RRAS2: variants seen among roughly 807,000 people sequenced by gnomAD.
RRAS2 encodes the protein ras-related protein R-Ras2.
In RRAS2, 7 loss-of-function variants were observed where a neutral mutation model predicts 27.6. The observed-to-expected ratio is 0.25, with a 90% CI of 0.14 to 0.48. The LOEUF is 0.48. RRAS2 is among the 20% of genes least tolerant of loss of function. RRAS2 has a pLI of 0.99. For missense variants in RRAS2, 178 were observed against 256.2 expected (o/e 0.69, Z 2.08); for synonymous variants, 86 against 90.9 (o/e 0.95, Z 0.31).
chr11:14,354,015 T>C (rs1554955160), intron 1 of RRAS2, among the ~76,000 whole-genome samples: 1 of 152,244 alleles, frequency 6.6e-6, no homozygotes, highest in Non-Finnish European at 1.5e-5. Flanking sequence ...TTAAGTAGTT[T>C]CTAATTGCAG....
At chr11:14,328,366 CAA>C (rs71041596) in intron 1 of RRAS2, among the ~76,000 whole-genome samples, 220 of 67,716 alleles carry the variant, frequency 3.2e-3, no homozygotes, top group East Asian at 0.011. Context: ...AACTCCAACT[CAA>C]AAAAAAAAAA....
chr11:14,305,346 A>C (rs1161797000), intron 1 of RRAS2, among the ~76,000 whole-genome samples: 3 of 152,222 alleles, frequency 2.0e-5, no homozygotes, highest in Non-Finnish European at 4.4e-5. Flanking sequence ...CACAAAAGCT[A>C]CTACTGGATA....
At chr11:14,327,585 C>G (rs553734497) in intron 1 of RRAS2, among the ~76,000 whole-genome samples, 1 of 152,166 alleles carries the variant, frequency 6.6e-6, no homozygotes, top group Non-Finnish European at 1.5e-5. Context: ...TTCTCTACCC[C>G]CCTTTCTCTT....
intron 1 of RRAS2, among the ~76,000 whole-genome samples, chr11:14,320,982 A>ACCAGCCTGG (rs1199801194): frequency 6.6e-6 from 1 of 152,122 alleles, no homozygotes; most frequent in Non-Finnish European, 1.5e-5. Context: ...GGAGTTCGAG[A>ACCAGCCTGG]CCAGCCTGGC....
intron 1 of RRAS2, among the ~76,000 whole-genome samples, chr11:14,303,401 C>G (rs1162249738): frequency 6.6e-6 from 1 of 152,184 alleles, no homozygotes; most frequent in Non-Finnish European, 1.5e-5. Flanking sequence ...TGAATGAAAT[C>G]TAAGGCAAGT....
At chr11:14,281,242 T>A (rs182038151) in intron 5 of RRAS2, among the ~76,000 whole-genome samples, 77 of 152,348 alleles carry the variant, frequency 5.1e-4, no homozygotes, top group African/African-American at 1.8e-3. Context: ...AAAGTGAGGA[T>A]AAAACAGTAT....
intron 1 of RRAS2, chr11:14,354,494 A>G (rs1169121609): frequency 1.3e-5 from 2 of 152,156 alleles, no homozygotes; most frequent in East Asian, 3.8e-4. Context: ...CATCACCTGA[A>G]TACCACACAG....
intron 1 of RRAS2, among the ~76,000 whole-genome samples, chr11:14,311,306 C>T (rs1847959433): frequency 6.6e-6 from 1 of 152,152 alleles, no homozygotes; most frequent in Non-Finnish European, 1.5e-5. Context: ...ATCATCAGAC[C>T]ACTGCACTCC....
At position 14,358,636 on chromosome 11, in the gene RRAS2, C is replaced by A. The variant is rs1320105948; in HGVS notation, c.108+127G>T. 10 of 973,502 alleles carry A rather than the reference C, an allele frequency of 1.0e-5. No individual in the cohort carries two copies. Among genetic ancestry groups the A allele is most frequent in the Non-Finnish European group, 1.1e-5 (9 of 818,792 alleles). The allele number at this position is 973,502 out of a possible 1,614,324, so 60.3% of individuals were successfully genotyped here. On this transcript the variant is annotated intron_variant, in intron 1 of 5. Transcript: ENST00000256196. This position sits in a 1 kb window ranked among gnomAD's most constrained non-coding sequence, Gnocchi z 5.1. ...GCGTAGTCGGCCCCGCGCCCTCCCG[C>A]CCCCTGGCCCCGGCCCGGGCCCGCG... is the stretch of plus-strand genomic sequence containing the variant.
chr11:14,300,237 C>T (rs148451083), intron 1 of RRAS2, among the ~76,000 whole-genome samples: 3 of 152,238 alleles, frequency 2.0e-5, no homozygotes, highest in East Asian at 1.9e-4. Context: ...ACAAGGAATA[C>T]CCTCCCATTC....
upstream of RRAS2, among the ~76,000 whole-genome samples, chr11:14,364,128 A>G (rs1554956459): frequency 6.6e-6 from 1 of 152,192 alleles, no homozygotes; most frequent in Admixed American, 6.5e-5. Context: ...CTCTTAGAGG[A>G]GGGTGCTCAT....
chr11:14,350,446 C>T (rs568376483), intron 1 of RRAS2, among the ~76,000 whole-genome samples: 12 of 152,166 alleles, frequency 7.9e-5, no homozygotes, highest in Non-Finnish European at 1.6e-4. Flanking sequence ...TCTGCACATG[C>T]CACTCCCCTT....
intron 1 of RRAS2, among the ~76,000 whole-genome samples, chr11:14,324,591 C>G (rs1564971827): frequency 6.6e-6 from 1 of 152,026 alleles, no homozygotes; most frequent in Non-Finnish European, 1.5e-5. Flanking sequence ...AATTTATAAG[C>G]AAGAAAATAG....
chr11:14,356,415 G>A (rs1431043172), intron 1 of RRAS2, among the ~76,000 whole-genome samples: 1 of 152,124 alleles, frequency 6.6e-6, no homozygotes, highest in African/African-American at 2.4e-5. Context: ...ACATGTTACA[G>A]AACTGTAGGC....
chr11:14,350,101 G>A (rs144081304), intron 1 of RRAS2, among the ~76,000 whole-genome samples: 2 of 152,230 alleles, frequency 1.3e-5, no homozygotes, highest in African/African-American at 4.8e-5. Context: ...TTGCCCCAAT[G>A]AACAAATACA....
chr11:14,284,708 T>G (rs1025746777), intron 4 of RRAS2, among the ~76,000 whole-genome samples: 5 of 152,222 alleles, frequency 3.3e-5, no homozygotes, highest in Non-Finnish European at 7.4e-5. Context: ...TTATGTCCTC[T>G]TGAGGAATTA....
At chr11:14,353,589 C>T (rs1393114940) in intron 1 of RRAS2, among the ~76,000 whole-genome samples, 3 of 149,018 alleles carry the variant, frequency 2.0e-5, no homozygotes, top group Non-Finnish European at 3.0e-5. Flanking sequence ...AGCGAAACTT[C>T]GTCTCAAAAA....
At chr11:14,297,508 C>T (rs1160600954) in intron 1 of RRAS2, among the ~76,000 whole-genome samples, 1 of 152,174 alleles carries the variant, frequency 6.6e-6, no homozygotes, top group Non-Finnish European at 1.5e-5. Flanking sequence ...GGCATGGTGG[C>T]TCATGCCTGT....
chr11:14,312,811 C>G (rs1374510065), intron 1 of RRAS2, among the ~76,000 whole-genome samples: 2 of 152,194 alleles, frequency 1.3e-5, no homozygotes, highest in Non-Finnish European at 1.5e-5. Context: ...ACCTGTATCA[C>G]TGTTGTTTTA....
Sources: gnomAD v4.1 joint callset for allele counts (sites outside exome capture counted in the v4.1 genomes callset) on GRCh38, gnomAD v4.1.1 for gene constraint, Gnocchi (gnomAD v3.1) non-coding constraint, MANE v1.5 for transcripts, NCBI Gene and HGNC (gene_info 2026-07-23, HGNC 2026-07-21) for gene names.